The following CCSER1 variants were observed in gnomAD, a reference collection of about 807,000 sequenced individuals.
CCSER1 encodes the protein serine-rich coiled-coil domain-containing protein 1.
Under a neutral mutation model 82.0 loss-of-function variants are expected in CCSER1, and 41 were observed. The observed-to-expected ratio is 0.50, with a 90% CI of 0.39 to 0.65. CCSER1 has a LOEUF of 0.65. CCSER1 is among the 30% of genes least tolerant of loss of function. The probability of loss-of-function intolerance (pLI) is 0.00; values close to 1 mark genes in which losing one functional copy is unlikely to be tolerated. For synonymous variants in CCSER1, 414 were observed against 383.9 expected (o/e 1.08, Z -0.92); for missense variants, 1,119 against 1,064.2 (o/e 1.05, Z -0.72).
At chr4:91,297,565 A>T (rs981737996) in intron 10 of CCSER1, among the ~76,000 whole-genome samples, 6 of 151,938 alleles carry the variant, frequency 3.9e-5, no homozygotes, top group Admixed American at 1.3e-4. Context: ...CAATGACAGG[A>T]TCCAGGTTGC....
chr4:91,050,430 C>CAA (rs141375504), intron 9 of CCSER1, among the ~76,000 whole-genome samples: 1,910 of 140,952 alleles, frequency 0.014, 42 homozygotes, highest in African/African-American at 0.038. Context: ...GACTCTGTCT[C>CAA]AAAAAAAAAA....
intron 5 of CCSER1, among the ~76,000 whole-genome samples, chr4:90,616,871 G>A (rs760546522): frequency 2.6e-5 from 4 of 152,158 alleles, no homozygotes; most frequent in Non-Finnish European, 2.9e-5. Context: ...GGCTTTTAGA[G>A]TTTGGCTTAA....
At chr4:90,143,844 C>A (rs1725289243) in intron 1 of CCSER1, among the ~76,000 whole-genome samples, 1 of 151,842 alleles carries the variant, frequency 6.6e-6, no homozygotes, top group African/African-American at 2.4e-5. Context: ...GTCACCATAC[C>A]CAAGTCATGT....
intron 5 of CCSER1, among the ~76,000 whole-genome samples, chr4:90,568,184 A>C (rs180696141): frequency 6.0e-4 from 91 of 152,234 alleles, no homozygotes; most frequent in African/African-American, 2.0e-3. Flanking sequence ...GATTTAGTTG[A>C]TCTAGATTAT....
At position 90,566,110 on chromosome 4, in the gene CCSER1, G is replaced by C. The variant is rs556711178; in HGVS notation, c.1725-61915G>C. Among the ~76,000 whole-genome samples the C allele has an allele frequency of 3.0e-4, 45 of 149,824 alleles. 1 individual carries two copies. The South Asian group carries it at 9.0e-3, about 30-fold the overall frequency. On this transcript the variant is annotated intron_variant, in intron 5 of 10. Coordinates refer to ENST00000509176, the MANE Select transcript of CCSER1 (RefSeq NM_001145065.2). ...TGACCTCAAATGATCCACCTGCCTC[G>C]ACCTCCCAAAGTGCTGGGATTACAG...
At chr4:90,478,995 T>TC (rs1232935269) in intron 5 of CCSER1, among the ~76,000 whole-genome samples, 8 of 152,162 alleles carry the variant, frequency 5.3e-5, no homozygotes, top group African/African-American at 1.9e-4. Flanking sequence ...TGCCTCAGCC[T>TC]CCCAAAGTGC....
At chr4:91,182,725 G>A (rs1190504179) in intron 10 of CCSER1, among the ~76,000 whole-genome samples, 2 of 152,160 alleles carry the variant, frequency 1.3e-5, no homozygotes, top group Admixed American at 6.5e-5. Flanking sequence ...TAACACAGGC[G>A]GAAGACTCTC....
intron 7 of CCSER1, among the ~76,000 whole-genome samples, chr4:90,772,728 G>A (rs780181881): frequency 3.3e-5 from 5 of 152,058 alleles, no homozygotes; most frequent in Non-Finnish European, 7.4e-5. Context: ...TGTTAAAATT[G>A]ATTTCCTCTT....
chr4:91,596,368 A>T (rs182855504), intron 10 of CCSER1, among the ~76,000 whole-genome samples: 1 of 152,122 alleles, frequency 6.6e-6, no homozygotes, highest in East Asian at 1.9e-4. Context: ...AAGAAATGTA[A>T]CCACTGGTGT....
intron 6 of CCSER1, among the ~76,000 whole-genome samples, chr4:90,692,033 GTGTATATATA>G (rs1036818005): frequency 8.9e-6 from 1 of 112,280 alleles, no homozygotes; most frequent in African/African-American, 3.3e-5. Flanking sequence ...AATTCAATGT[GTGTATATATA>G]TATATATATA....
chr4:90,701,355 G>A (rs1738076289), intron 6 of CCSER1, among the ~76,000 whole-genome samples: 1 of 152,062 alleles, frequency 6.6e-6, no homozygotes, highest in African/African-American at 2.4e-5. Context: ...CTCTGTTGTG[G>A]TATCAGTACC....
intron 6 of CCSER1, among the ~76,000 whole-genome samples, chr4:90,712,190 A>G (rs1421941560): frequency 6.6e-6 from 1 of 151,494 alleles, no homozygotes; most frequent in Non-Finnish European, 1.5e-5. Context: ...GCTAGTTTTG[A>G]TATTTATTTG....
intron 10 of CCSER1, among the ~76,000 whole-genome samples, chr4:91,397,080 G>C (rs1349911548): frequency 6.6e-6 from 1 of 152,012 alleles, no homozygotes; most frequent in African/African-American, 2.4e-5. Context: ...GTTAAAATCT[G>C]TCTACAAGCA....
chr4:90,464,453 T>G (rs902203158), intron 4 of CCSER1, among the ~76,000 whole-genome samples: 2 of 152,198 alleles, frequency 1.3e-5, no homozygotes, highest in African/African-American at 4.8e-5. Context: ...TAGGTACAGT[T>G]CCAGTAGTTG....
At chr4:91,219,327 TTTTTTA>T (rs926294123) in intron 10 of CCSER1, among the ~76,000 whole-genome samples, 6 of 147,516 alleles carry the variant, frequency 4.1e-5, no homozygotes, top group African/African-American at 1.5e-4. Flanking sequence ...TTTTTTTTTT[TTTTTTA>T]AAACAGTCTC....
intron 1 of CCSER1, among the ~76,000 whole-genome samples, chr4:90,224,079 G>A (rs556358007): frequency 6.6e-6 from 1 of 152,274 alleles, no homozygotes; most frequent in South Asian, 2.1e-4. Flanking sequence ...TTTTCTTCAT[G>A]TGTTAGTAAG....
chr4:90,271,856 ATATATATTTTTTT>A (rs1726505658), intron 1 of CCSER1, among the ~76,000 whole-genome samples: 1 of 26,084 alleles, frequency 3.8e-5, no homozygotes, highest in African/African-American at 3.1e-4. Context: ...ATATATATAT[ATATATATTTTTTT>A]TTTTTTTTTT....
At chr4:90,155,381 A>G (rs1275200125) in intron 1 of CCSER1, among the ~76,000 whole-genome samples, 2 of 152,086 alleles carry the variant, frequency 1.3e-5, no homozygotes, top group African/African-American at 2.4e-5. Context: ...TATCAGGATG[A>G]TGCTGGCCTC....
At chr4:90,648,568 T>C (rs1728151491) in intron 6 of CCSER1, among the ~76,000 whole-genome samples, 1 of 57,264 alleles carries the variant, frequency 1.7e-5, no homozygotes, top group African/African-American at 6.0e-5. Context: ...TTAAATGAGG[T>C]TATAAGAGTA....
Sources: allele counts gnomAD v4.1 joint callset (sites outside exome capture counted in the v4.1 genomes callset), GRCh38; gene constraint gnomAD v4.1.1; transcripts MANE v1.5; gene names NCBI Gene and HGNC (gene_info 2026-07-23, HGNC 2026-07-21).